The following PPP3CA variants were observed in gnomAD, a reference collection of about 807,000 sequenced individuals.
PPP3CA encodes the protein protein phosphatase 3 catalytic subunit alpha, also known as CAM-PRP catalytic subunit.
A neutral mutation model predicts 66.5 loss-of-function variants in PPP3CA; 14 were observed. That is an observed-to-expected ratio of 0.21 (90% CI 0.14 to 0.33). The LOEUF is 0.33. Ranked by LOEUF, PPP3CA falls within the 10% of genes least tolerant of loss-of-function variation. The probability of loss-of-function intolerance (pLI) is 1.00; values close to 1 mark genes in which losing one functional copy is unlikely to be tolerated. For synonymous variants in PPP3CA, 232 were observed against 226.2 expected (o/e 1.03, Z -0.23); for missense variants, 317 against 639.5 (o/e 0.50, Z 5.44).
At chr4:101,257,120 T>C (rs1314910959) in intron 1 of PPP3CA, among the ~76,000 whole-genome samples, 1 of 152,014 alleles carries the variant, frequency 6.6e-6, no homozygotes, top group Non-Finnish European at 1.5e-5. Flanking sequence ...AATCATACAC[T>C]AAGCTCCAAG....
At chr4:101,139,474 A>G (rs559953215) in intron 2 of PPP3CA, among the ~76,000 whole-genome samples, 15 of 152,258 alleles carry the variant, frequency 9.9e-5, no homozygotes, top group Admixed American at 9.8e-4. Flanking sequence ...TTCAGAAGAC[A>G]AAGACAGCCT....
At chr4:101,286,110 A>G (rs111374091) in intron 1 of PPP3CA, among the ~76,000 whole-genome samples, 6 of 152,238 alleles carry the variant, frequency 3.9e-5, no homozygotes, top group African/African-American at 1.4e-4. Flanking sequence ...GAAGCATCCA[A>G]CTTAGATCCT....
At chr4:101,185,526 G>C (rs1180562054) in intron 2 of PPP3CA, among the ~76,000 whole-genome samples, 1 of 152,272 alleles carries the variant, frequency 6.6e-6, no homozygotes, top group East Asian at 1.9e-4. Context: ...ATATTAACTA[G>C]CTCTTCAAAC....
chr4:101,244,595 G>A (rs994273570), intron 1 of PPP3CA, among the ~76,000 whole-genome samples: 3 of 152,160 alleles, frequency 2.0e-5, no homozygotes, highest in African/African-American at 7.2e-5. Flanking sequence ...CTCCCCCGTG[G>A]TAGACAAGAG....
intron 8 of PPP3CA, among the ~76,000 whole-genome samples, chr4:101,073,772 A>C (rs1179144673): frequency 6.6e-6 from 1 of 152,186 alleles, no homozygotes; most frequent in East Asian, 1.9e-4. Context: ...GAAGGAATGA[A>C]TTAGGGGTTG....
chr4:101,239,362 A>G (rs1476284615), intron 1 of PPP3CA, among the ~76,000 whole-genome samples: 1 of 152,156 alleles, frequency 6.6e-6, no homozygotes, highest in Non-Finnish European at 1.5e-5. Context: ...CAGTAAAGTT[A>G]TCTCAAAATC....
chr4:101,051,167 T>C (rs1022940862), intron 10 of PPP3CA, among the ~76,000 whole-genome samples: 8 of 152,186 alleles, frequency 5.3e-5, no homozygotes, highest in African/African-American at 1.9e-4. Flanking sequence ...ACAGCTTTTA[T>C]ATCTTCTCAT....
intron 2 of PPP3CA, among the ~76,000 whole-genome samples, chr4:101,139,814 C>CT (rs1722748320): frequency 6.8e-6 from 1 of 147,096 alleles, no homozygotes; most frequent in Non-Finnish European, 1.5e-5. Flanking sequence ...AACCTTAACT[C>CT]TTTTTTCTAT....
intron 2 of PPP3CA, among the ~76,000 whole-genome samples, chr4:101,138,481 A>G (rs1722693111): frequency 6.6e-6 from 1 of 152,202 alleles, no homozygotes; most frequent in Non-Finnish European, 1.5e-5. Flanking sequence ...CTTATCTGAA[A>G]TGCTTGGGAA....
At position 101,026,285 on chromosome 4, in the gene PPP3CA, C is replaced by T. The variant is rs370417901; in HGVS notation, c.1370-224G>A. The stretch of plus-strand genomic sequence containing the variant: ...TGTCTCTTGCCAACCAAAATGTCCT[C>T]TTGAAGTTATTAAGATGTAAGCATT... On this transcript the variant is annotated intron_variant, in intron 13 of 13. Transcript: ENST00000394854. Among the ~76,000 whole-genome samples the T allele has an allele frequency of 3.3e-5, 5 of 152,276 alleles. No homozygotes were observed. The South Asian group carries it at 8.3e-4, about 25-fold the overall frequency.
intron 1 of PPP3CA, among the ~76,000 whole-genome samples, chr4:101,276,321 T>C (rs1162893562): frequency 1.3e-5 from 2 of 152,160 alleles, no homozygotes; most frequent in Non-Finnish European, 2.9e-5. Context: ...CAAAACCAAA[T>C]TAATATGAGA....
intron 2 of PPP3CA, among the ~76,000 whole-genome samples, chr4:101,160,377 G>C (rs754768979): frequency 3.9e-5 from 6 of 152,088 alleles, no homozygotes; most frequent in Non-Finnish European, 8.8e-5. Flanking sequence ...ATCTGAAGAA[G>C]CAGGAAAATG....
chr4:101,029,094 CA>C, intron 13 of PPP3CA, 71 bp downstream of exon 13: 7 of 1,446,364 alleles, frequency 4.8e-6, no homozygotes, highest in Non-Finnish European at 5.8e-6. Flanking sequence ...CAAGCTACAG[CA>C]AAAAAATGAA....
intron 10 of PPP3CA, among the ~76,000 whole-genome samples, chr4:101,042,331 C>G (rs1215111286): frequency 6.6e-6 from 1 of 152,102 alleles, no homozygotes; most frequent in Non-Finnish European, 1.5e-5. Context: ...AACCAGCAAG[C>G]TGGTTTCCTC....
Position 101,124,652 on chromosome 4 carries a change from G to GGA in PPP3CA, c.260-15576_260-15575dup, listed in dbSNP as rs565496634. On this transcript the variant is annotated intron_variant, in intron 2 of 13. Coordinates refer to ENST00000394854, the MANE Select transcript of PPP3CA (RefSeq NM_000944.5). ...AAGAAAGAAAAAGAAAGAAAGAGAGGGAGAGAGAGACAGAAAGAAAGAAAG... is the reference window on the plus strand; with the variant it reads ...AAGAAAGAAAAAGAAAGAAAGAGAGGGAGAGAGAGAGACAGAAAGAAAGAAAG... Among the ~76,000 whole-genome samples, 507 of 123,270 alleles carry GGA rather than the reference G, an allele frequency of 4.1e-3. 9 individuals carry two copies. The highest frequency in any genetic ancestry group is 0.015 in the African/African-American group (491 of 32,270). 80.9% of individuals were successfully genotyped at this position (123,270 alleles called of 152,430 possible). A position where few individuals can be genotyped will look rare whatever the true frequency, so the allele number is the denominator to read the frequency against.
intron 6 of PPP3CA, among the ~76,000 whole-genome samples, chr4:101,090,465 A>G (rs1043069517): frequency 7.2e-5 from 11 of 151,930 alleles, no homozygotes; most frequent in Non-Finnish European, 1.3e-4. Flanking sequence ...ATGGAGAAAG[A>G]AACCCCGTCT....
intron 2 of PPP3CA, among the ~76,000 whole-genome samples, chr4:101,149,983 T>C (rs1723087498): frequency 6.6e-6 from 1 of 152,120 alleles, no homozygotes; most frequent in Non-Finnish European, 1.5e-5. Flanking sequence ...GGTCCCAAAG[T>C]CACAGGGCTA....
intron 1 of PPP3CA, among the ~76,000 whole-genome samples, chr4:101,289,262 T>G (rs530110814): frequency 1.6e-4 from 24 of 152,346 alleles, no homozygotes; most frequent in African/African-American, 5.8e-4. Context: ...GGTGTAATCA[T>G]GGTTTGCTTA....
intron 2 of PPP3CA, among the ~76,000 whole-genome samples, chr4:101,139,696 G>GTTTTTTTTTTTTTTTTTTTTT (rs372257350): frequency 2.9e-4 from 29 of 98,372 alleles, no homozygotes; most frequent in Admixed American, 6.0e-4. Flanking sequence ...TTTTTTTTGT[G>GTTTTTTTTTTTTTTTTTTTTT]TTTTTTTTTT....
Sources: gnomAD v4.1 joint callset for allele counts (sites outside exome capture counted in the v4.1 genomes callset) on GRCh38, gnomAD v4.1.1 for gene constraint, MANE v1.5 for transcripts, NCBI Gene and HGNC (gene_info 2026-07-23, HGNC 2026-07-21) for gene names.